ABCA1: variants seen among roughly 807,000 people sequenced by gnomAD.
ABCA1 encodes the protein ATP binding cassette subfamily A member 1.
In ABCA1, 133 loss-of-function variants were observed where a neutral mutation model predicts 262.5. That is an observed-to-expected ratio of 0.51 (90% CI 0.44 to 0.59). The LOEUF is 0.59. Ranked by LOEUF, ABCA1 falls within the 20% of genes least tolerant of loss-of-function variation. The pLI is 0.00. For synonymous variants in ABCA1, 1,022 were observed against 1,043.5 expected (o/e 0.98, Z 0.40); for missense variants, 2,452 against 2,777.5 (o/e 0.88, Z 2.63).
rs974082667 is a variant in ABCA1 at position 104,793,386 on chromosome 9, A to C, written c.5507-86T>G. The C allele has an allele frequency of 1.1e-5, 18 of 1,567,196 alleles. No homozygotes were observed. The East Asian group carries it at 4.1e-4, about 35-fold the overall frequency. ...TCAAATTTGGGCCTATGTTCCTTAA[A>C]ATTCACCGATCTTCCAATAAACACA... is the stretch of plus-strand genomic sequence containing the variant. On this transcript the variant is annotated intron_variant, in intron 40 of 49. Coordinates refer to ENST00000374736, the MANE Select transcript of ABCA1 (RefSeq NM_005502.4).
At position 104,850,178 on chromosome 9, in the gene ABCA1, G is replaced by C. The variant is rs146415421; in HGVS notation, c.721-4609C>G. On this transcript the variant is annotated intron_variant, in intron 7 of 49. Transcript: ENST00000374736. Reference sequence around the variant, plus strand: ...ACTCTGTCACCCAGGCTAGAGTGCAGTGGTGTGATCTCAGCTCACTGCAAC... The same window carrying C: ...ACTCTGTCACCCAGGCTAGAGTGCACTGGTGTGATCTCAGCTCACTGCAAC... Among the ~76,000 whole-genome samples the C allele has an allele frequency of 9.3e-3, 1,416 of 152,230 alleles. 22 individuals are homozygous for C. The highest frequency in any genetic ancestry group is 0.031 in the African/African-American group (1,290 of 41,532).
chr9:104,857,675 T>C (rs1310561993), intron 7 of ABCA1, among the ~76,000 whole-genome samples: 1 of 152,158 alleles, frequency 6.6e-6, no homozygotes, highest in Non-Finnish European at 1.5e-5. Context: ...CTATAAAGAA[T>C]TCGTGCTGCA....
At chr9:104,909,625 C>CAT (rs1208741661) in intron 1 of ABCA1, among the ~76,000 whole-genome samples, 2 of 149,056 alleles carry the variant, frequency 1.3e-5, no homozygotes, top group South Asian at 2.2e-4. Flanking sequence ...CACACACACA[C>CAT]ACACACACAC....
intron 49 of ABCA1, among the ~76,000 whole-genome samples, chr9:104,784,809 A>C (rs1008042768): frequency 6.6e-6 from 1 of 152,046 alleles, no homozygotes; most frequent in Non-Finnish European, 1.5e-5. Flanking sequence ...ATGCCCAGCT[A>C]ATTTTTGTAT....
intron 11 of ABCA1, among the ~76,000 whole-genome samples, chr9:104,833,614 C>T (rs1002374806): frequency 2.0e-5 from 3 of 152,186 alleles, no homozygotes; most frequent in Non-Finnish European, 2.9e-5. Context: ...TTCTAGTGCA[C>T]CTCCCCCTCC....
intron 28 of ABCA1, among the ~76,000 whole-genome samples, chr9:104,811,787 GT>G (rs1564113135): frequency 2.6e-5 from 4 of 152,134 alleles, no homozygotes; most frequent in African/African-American, 7.2e-5. Flanking sequence ...GTTATCAATG[GT>G]CATCATCAAC....
chr9:104,834,090 CT>C (rs766755229), intron 11 of ABCA1, among the ~76,000 whole-genome samples: 4 of 149,962 alleles, frequency 2.7e-5, no homozygotes, highest in African/African-American at 7.3e-5. Flanking sequence ...ACATTATAAG[CT>C]TTTCCCCCCT....
At chr9:104,860,562 A>T (rs2119101247) in intron 6 of ABCA1, among the ~76,000 whole-genome samples, 1 of 152,212 alleles carries the variant, frequency 6.6e-6, no homozygotes, top group Non-Finnish European at 1.5e-5. Context: ...GAGATAGGGG[A>T]GGAAGCAGTT....
intron 32 of ABCA1, among the ~76,000 whole-genome samples, chr9:104,804,080 C>G (rs766589676): frequency 6.6e-6 from 1 of 152,130 alleles, no homozygotes; most frequent in Non-Finnish European, 1.5e-5. Context: ...GGGAAGGAAA[C>G]GAGAACAAAC....
intron 4 of ABCA1, 114 bp from the exon 5 acceptor site, chr9:104,883,271 A>G: frequency 1.1e-6 from 1 of 904,926 alleles, no homozygotes; most frequent in Non-Finnish European, 1.8e-6. Context: ...GGTCCTCCAC[A>G]GGCTGGCCCT....
chr9:104,926,188 G>A (rs1588609775), intron 1 of ABCA1, among the ~76,000 whole-genome samples: 1 of 152,092 alleles, frequency 6.6e-6, no homozygotes, highest in Admixed American at 6.6e-5. Context: ...TGAGATGAAT[G>A]TGTATATACT....
intron 7 of ABCA1, among the ~76,000 whole-genome samples, chr9:104,851,665 G>A (rs1020809352): frequency 3.3e-5 from 5 of 152,160 alleles, no homozygotes; most frequent in African/African-American, 9.7e-5. Flanking sequence ...CCAGCAGAGC[G>A]TCTCCTGCTC....
rs768441463 is a variant in ABCA1, at chr9:104,814,452, C to T, written c.3762G>A (p.Glu1254=). The T allele has an allele frequency of 6.2e-7, 1 of 1,614,196 alleles. No individual in the cohort carries two copies. Among genetic ancestry groups the T allele is most frequent in the South Asian group, 1.1e-5 (1 of 91,078 alleles). Residue 1254 remains glutamate (E), a synonymous_variant, in exon 26 of 50, where the codon GAG becomes GAA. Coordinates refer to ENST00000374736, the MANE Select transcript of ABCA1 (RefSeq NM_005502.4). ...CTGAGGTCTCAGCATCCACCCCACTCTCTTCGGCCACCTTGAGGAATATCT... is the reference window on the plus strand; with the variant it reads ...CTGAGGTCTCAGCATCCACCCCACTTTCTTCGGCCACCTTGAGGAATATCT... ...LEEIFLKVAE[E]SGVDAETSDG... is the part of the protein sequence containing the mutation.
At chr9:104,861,967 G>C (rs910762133) in intron 5 of ABCA1, among the ~76,000 whole-genome samples, 167 bp from the exon 6 acceptor site, 1 of 151,886 alleles carries the variant, frequency 6.6e-6, no homozygotes, top group Non-Finnish European at 1.5e-5. Flanking sequence ...TATCAGGAGA[G>C]GCATGAAAAT....
Position 104,783,983 on chromosome 9 carries a change from T to C in ABCA1, c.*332A>G, listed in dbSNP as rs894316609. On this transcript the variant is annotated 3_prime_UTR_variant, in exon 50 of 50. Transcript: ENST00000374736. ...ATTATTGTTGCAACCCCAATGAGAA[T>C]ACACAGGAACAAAAAAAAAAAAAAA... 4.3e-6 allele frequency: 1 copy of C among 232,036 alleles called. No homozygotes were observed. The highest frequency in any genetic ancestry group is 9.4e-5 in the East Asian group (1 of 10,660). 14.4% of individuals were successfully genotyped at this position (232,036 alleles called of 1,614,324 possible).
chr9:104,844,535 T>C (rs145592405), intron 8 of ABCA1, among the ~76,000 whole-genome samples: 3 of 152,222 alleles, frequency 2.0e-5, no homozygotes, highest in South Asian at 2.1e-4. Context: ...ACAATGAACA[T>C]GCAATACTTT....
chr9:104,926,449 C>CA (rs33976424), intron 1 of ABCA1, among the ~76,000 whole-genome samples: 30 of 132,672 alleles, frequency 2.3e-4, no homozygotes, highest in Non-Finnish European at 2.6e-4. Context: ...AACACGCTAA[C>CA]AAAAAAAAAA....
chr9:104,850,223 G>C (rs1835259215), intron 7 of ABCA1, among the ~76,000 whole-genome samples: 1 of 152,224 alleles, frequency 6.6e-6, no homozygotes, highest in African/African-American at 2.4e-5. Context: ...CTGGGTTCAA[G>C]CAATTCTCCT....
At chr9:104,921,114 C>G (rs1157223725) in intron 1 of ABCA1, among the ~76,000 whole-genome samples, 1 of 152,114 alleles carries the variant, frequency 6.6e-6, no homozygotes, top group Non-Finnish European at 1.5e-5. Flanking sequence ...TAAATCAACT[C>G]TCTAAGGTAG....
Sources: gnomAD v4.1 joint callset for allele counts (sites outside exome capture counted in the v4.1 genomes callset) on GRCh38, gnomAD v4.1.1 for gene constraint, MANE v1.5 for transcripts, NCBI Gene and HGNC (gene_info 2026-07-23, HGNC 2026-07-21) for gene names.